Variants in KCTD8 observed in about 807,000 individuals in gnomAD.
KCTD8 encodes the protein potassium channel tetramerization domain containing 8, also known as BTB/POZ domain-containing protein KCTD8.
KCTD8 carries 27 observed loss-of-function variants against 31.5 expected under a neutral mutation model. The observed-to-expected ratio is 0.86, with a 90% CI of 0.63 to 1.18. The LOEUF (loss-of-function observed/expected upper bound fraction) is 1.18. Among genes scored for constraint, KCTD8 ranks in the 50% most tolerant of loss-of-function variants. KCTD8 has a pLI of 0.00. For missense variants in KCTD8, 658 were observed against 647.7 expected (o/e 1.02, Z -0.17); for synonymous variants, 290 against 280.0 (o/e 1.04, Z -0.36).
At chr4:44,424,435 A>G (rs1721297032) in intron 1 of KCTD8, among the ~76,000 whole-genome samples, 1 of 152,166 alleles carries the variant, frequency 6.6e-6, no homozygotes, top group African/African-American at 2.4e-5. Flanking sequence ...CTGTCAACCA[A>G]TTTCACCTCT....
chr4:44,258,401 T>C (rs1716060469), intron 1 of KCTD8, among the ~76,000 whole-genome samples: 1 of 151,926 alleles, frequency 6.6e-6, no homozygotes, highest in African/African-American at 2.4e-5. Context: ...TCAATAAAGA[T>C]GTTTTAAAAA....
intron 1 of KCTD8, among the ~76,000 whole-genome samples, chr4:44,283,029 T>TTAG (rs1192743799): frequency 3.5e-4 from 3 of 8,642 alleles, no homozygotes; most frequent in Non-Finnish European, 8.2e-4. Context: ...ACACATTTTA[T>TTAG]TATTATTATT....
At chr4:44,225,851 T>C (rs543578689) in intron 1 of KCTD8, among the ~76,000 whole-genome samples, 3 of 143,878 alleles carry the variant, frequency 2.1e-5, no homozygotes, top group African/African-American at 2.6e-5. Flanking sequence ...GATGGAGTCT[T>C]GCTCTGTCGC....
intron 1 of KCTD8, among the ~76,000 whole-genome samples, chr4:44,425,633 A>C (rs1288014642): frequency 6.6e-6 from 1 of 152,042 alleles, no homozygotes; most frequent in Non-Finnish European, 1.5e-5. Flanking sequence ...AAAAAATACC[A>C]GTAGTTTCTG....
chr4:44,265,152 C>T (rs1716305919), intron 1 of KCTD8, among the ~76,000 whole-genome samples: 2 of 152,266 alleles, frequency 1.3e-5, no homozygotes, highest in South Asian at 4.2e-4. Context: ...CCAGTAGGGG[C>T]AGACTGACAC....
At chr4:44,369,164 AAAG>A (rs1021852206) in intron 1 of KCTD8, among the ~76,000 whole-genome samples, 1 of 152,226 alleles carries the variant, frequency 6.6e-6, no homozygotes, top group Non-Finnish European at 1.5e-5. Context: ...AGAATGGATT[AAAG>A]AAGGAGGAGA....
At chr4:44,391,887 A>T (rs1720383998) in intron 1 of KCTD8, among the ~76,000 whole-genome samples, 1 of 151,976 alleles carries the variant, frequency 6.6e-6, no homozygotes, top group African/African-American at 2.4e-5. Context: ...ATTTTCCAGA[A>T]ATGACACTGA....
intron 1 of KCTD8, among the ~76,000 whole-genome samples, chr4:44,423,152 G>C (rs897919733): frequency 6.6e-6 from 1 of 152,074 alleles, no homozygotes; most frequent in Non-Finnish European, 1.5e-5. Context: ...TTGGCTAGAG[G>C]ACAGGGTTGA....
intron 1 of KCTD8, among the ~76,000 whole-genome samples, chr4:44,425,692 G>A (rs894543459): frequency 6.6e-6 from 1 of 151,926 alleles, no homozygotes; most frequent in East Asian, 1.9e-4. Flanking sequence ...TGAATACTGG[G>A]GAGGCAGTAT....
intron 1 of KCTD8, among the ~76,000 whole-genome samples, chr4:44,301,853 C>A (rs1027092903): frequency 6.6e-6 from 1 of 152,164 alleles, no homozygotes; most frequent in Non-Finnish European, 1.5e-5. Flanking sequence ...GGTTTTAGTT[C>A]TAACATTTAA....
chr4:44,263,584 T>C (rs1405816211), intron 1 of KCTD8, among the ~76,000 whole-genome samples: 1 of 152,054 alleles, frequency 6.6e-6, no homozygotes, highest in African/African-American at 2.4e-5. Flanking sequence ...GGGAAATAAA[T>C]GGAAATACAG....
At chr4:44,177,007 A>G (rs951274240) in intron 1 of KCTD8, among the ~76,000 whole-genome samples, 3 of 152,160 alleles carry the variant, frequency 2.0e-5, no homozygotes, top group African/African-American at 7.2e-5. Flanking sequence ...ACACCATTAC[A>G]TTTCAGAAGT....
chr4:44,211,653 C>T (rs1217435593), intron 1 of KCTD8, among the ~76,000 whole-genome samples: 2 of 152,130 alleles, frequency 1.3e-5, no homozygotes, highest in East Asian at 3.9e-4. Context: ...TCCTGGTCGA[C>T]ATATACAAGA....
intron 1 of KCTD8, among the ~76,000 whole-genome samples, chr4:44,248,072 A>G (rs796591654): frequency 6.6e-6 from 1 of 152,028 alleles, no homozygotes; most frequent in South Asian, 2.1e-4. Flanking sequence ...GTTCAAATCT[A>G]TGTTCCTTTG....
At chr4:44,200,564 T>A (rs146134920) in intron 1 of KCTD8, among the ~76,000 whole-genome samples, 205 of 152,214 alleles carry the variant, frequency 1.3e-3, no homozygotes, top group African/African-American at 4.8e-3. Flanking sequence ...TACAGTATGA[T>A]CATCCCAATA....
At chr4:44,176,222 C>A (rs1713209791) in intron 1 of KCTD8, among the ~76,000 whole-genome samples, 2 of 152,166 alleles carry the variant, frequency 1.3e-5, no homozygotes, top group Admixed American at 1.3e-4. Context: ...AAATCAGAAT[C>A]AGGAGGAAGG....
intron 1 of KCTD8, among the ~76,000 whole-genome samples, chr4:44,242,496 T>G (rs1321547268): frequency 6.6e-6 from 1 of 151,920 alleles, no homozygotes; most frequent in South Asian, 2.1e-4. Flanking sequence ...GAGAATGGCG[T>G]GAACCCGGGA....
At chr4:44,315,473 C>G (rs750023587) in intron 1 of KCTD8, among the ~76,000 whole-genome samples, 2 of 152,080 alleles carry the variant, frequency 1.3e-5, no homozygotes, top group Non-Finnish European at 2.9e-5. Flanking sequence ...TGAACCCATA[C>G]AGATGTAAGA....
At chr4:44,236,153 T>C (rs1715284524) in intron 1 of KCTD8, among the ~76,000 whole-genome samples, 1 of 152,174 alleles carries the variant, frequency 6.6e-6, no homozygotes, top group Admixed American at 6.5e-5. Flanking sequence ...ACTGCCCAAC[T>C]GCAGCCATGA....
Sources: allele counts gnomAD v4.1 joint callset (sites outside exome capture counted in the v4.1 genomes callset), GRCh38; gene constraint gnomAD v4.1.1; transcripts MANE v1.5; gene names NCBI Gene and HGNC (gene_info 2026-07-23, HGNC 2026-07-21).